Variants in SLIT2 observed in about 807,000 individuals in gnomAD.
The protein encoded by SLIT2 is slit guidance ligand 2.
Under a neutral mutation model 185.7 loss-of-function variants are expected in SLIT2, and 41 were observed. The observed-to-expected ratio is 0.22, with a 90% CI of 0.17 to 0.29. The LOEUF (loss-of-function observed/expected upper bound fraction) is 0.29, where lower values mean the gene tolerates loss of function less well. Among genes scored for constraint, SLIT2 ranks in the 10% least tolerant of loss-of-function variants. SLIT2 has a pLI of 1.00. For synonymous variants in SLIT2, 693 were observed against 680.2 expected, an observed-to-expected ratio of 1.02 and a Z score of -0.29; for missense variants, 1,571 against 1,909.0, an observed-to-expected ratio of 0.82 and a Z score of 3.30.
chr4:20,603,275 G>A (rs1728545746), intron 33 of SLIT2, among the ~76,000 whole-genome samples: 1 of 152,066 alleles, frequency 6.6e-6, no homozygotes, highest in African/African-American at 2.4e-5. Context: ...TAACAGTATG[G>A]GGAAAACCGC....
chr4:20,579,697 A>T (rs940446870), intron 29 of SLIT2, among the ~76,000 whole-genome samples: 3 of 151,936 alleles, frequency 2.0e-5, no homozygotes, highest in Non-Finnish European at 4.4e-5. Context: ...GAAATAAAAA[A>T]ACCTCACTCT....
chr4:20,275,070 T>C (rs1714031464), intron 4 of SLIT2, among the ~76,000 whole-genome samples: 1 of 152,174 alleles, frequency 6.6e-6, no homozygotes, highest in Admixed American at 6.5e-5. Context: ...TTTTAAAGTT[T>C]TTAAATAATG....
At chr4:20,579,263 C>T (rs1379192210) in intron 29 of SLIT2, among the ~76,000 whole-genome samples, 1 of 149,918 alleles carries the variant, frequency 6.7e-6, no homozygotes, top group African/African-American at 2.5e-5. Flanking sequence ...TGCACCACTG[C>T]ACTTTAGCCT....
intron 9 of SLIT2, 83 bp from the exon 10 acceptor site, chr4:20,510,409 ACTT>A: frequency 1.2e-6 from 1 of 853,378 alleles, no homozygotes; most frequent in Non-Finnish European, 2.0e-6. Context: ...CATCAACTTT[ACTT>A]CTTGACATGA....
chr4:20,364,801 G>T (rs1185593213), intron 4 of SLIT2, among the ~76,000 whole-genome samples: 1 of 152,028 alleles, frequency 6.6e-6, no homozygotes, highest in Non-Finnish European at 1.5e-5. Flanking sequence ...GCACTAGAAG[G>T]TCACAAAACC....
chr4:20,600,586 C>T (rs979045669), intron 33 of SLIT2, among the ~76,000 whole-genome samples: 1 of 151,780 alleles, frequency 6.6e-6, no homozygotes, highest in African/African-American at 2.4e-5. Flanking sequence ...CTATGCCTGG[C>T]TAATCTTTTT....
chr4:20,493,148 G>A (rs1717928657), intron 9 of SLIT2, among the ~76,000 whole-genome samples: 1 of 152,162 alleles, frequency 6.6e-6, no homozygotes, highest in Non-Finnish European at 1.5e-5. Context: ...AGAAACATTG[G>A]CAGCAAAGAA....
At chr4:20,568,720 G>A in intron 28 of SLIT2, 145 bp from the exon 29 acceptor site, 1 of 693,904 alleles carries the variant, frequency 1.4e-6, no homozygotes, top group African/African-American at 1.8e-5. Flanking sequence ...CAACATGTCA[G>A]TTAAAAGCAT....
rs545225480 is a variant in SLIT2, at chr4:20,512,740, C to T, written c.1058+1603C>T. On this transcript the variant is annotated intron_variant, in intron 11 of 36. Transcript: ENST00000504154. The stretch of plus-strand genomic sequence containing the variant: ...CAAATCAGCATGTCAGTTCCTGATT[C>T]TCCACAATTTTGGTCCTCAAAGATA... 6.6e-5 allele frequency among the ~76,000 whole-genome samples: 10 copies of T among 152,242 alleles called. No homozygotes were observed. In the South Asian group the frequency reaches 1.7e-3, roughly 25 times the overall value.
At chr4:20,446,646 A>C (rs542134289) in intron 4 of SLIT2, among the ~76,000 whole-genome samples, 2 of 152,360 alleles carry the variant, frequency 1.3e-5, no homozygotes, top group Non-Finnish European at 2.9e-5. Context: ...GAAAATATGC[A>C]TCACTGAAAA....
chr4:20,285,154 C>T (rs1182642047), intron 4 of SLIT2, among the ~76,000 whole-genome samples: 1 of 152,218 alleles, frequency 6.6e-6, no homozygotes, highest in Admixed American at 6.5e-5. Context: ...CAGCCATACA[C>T]TCCTCTGTGA....
At chr4:20,384,572 T>C (rs981476295) in intron 4 of SLIT2, among the ~76,000 whole-genome samples, 1 of 152,140 alleles carries the variant, frequency 6.6e-6, no homozygotes, top group African/African-American at 2.4e-5. Flanking sequence ...ATACTGACAG[T>C]TGTGTCACTA....
At chr4:20,426,531 A>G (rs190950477) in intron 4 of SLIT2, among the ~76,000 whole-genome samples, 1 of 152,342 alleles carries the variant, frequency 6.6e-6, no homozygotes, top group East Asian at 1.9e-4. Flanking sequence ...TTAATGAGAA[A>G]GGATCTAGAG....
intron 16 of SLIT2, among the ~76,000 whole-genome samples, chr4:20,531,299 A>T (rs1338237086): frequency 2.6e-5 from 4 of 152,264 alleles, no homozygotes; most frequent in Non-Finnish European, 5.9e-5. Flanking sequence ...GTCTTAAAAA[A>T]TAATGAAGCA....
At position 20,523,760 on chromosome 4, in the gene SLIT2, A is replaced by C. The variant is rs990185022; in HGVS notation, c.1131A>C (p.Leu377=). ...LFEGLFSLQL[L]LLNANKINCL... ...ATTCTACAACTATTTAATCAAACAG[A>C]TTATTGAATGCCAACAAGATAAACT... The change falls in exon 13 of 37, where the codon CTA becomes CTC. Residue 377 remains leucine (L), a splice_region_variant and synonymous_variant. Coordinates refer to ENST00000504154, the MANE Select transcript of SLIT2 (RefSeq NM_004787.4). 49 of 1,613,354 alleles carry C rather than the reference A, an allele frequency of 3.0e-5. No individual in the cohort carries two copies. The highest frequency in any genetic ancestry group is 4.2e-5 in the Non-Finnish European group (49 of 1,179,392).
At chr4:20,301,519 T>C (rs1029116620) in intron 4 of SLIT2, among the ~76,000 whole-genome samples, 8 of 152,150 alleles carry the variant, frequency 5.3e-5, no homozygotes, top group Admixed American at 1.3e-4. Context: ...CTGCCACTTA[T>C]GCAGTATTAG....
intron 4 of SLIT2, among the ~76,000 whole-genome samples, chr4:20,278,110 T>C (rs1714345416): frequency 6.6e-6 from 1 of 152,160 alleles, no homozygotes; most frequent in South Asian, 2.1e-4. Flanking sequence ...TTTACCAGTT[T>C]ACATGCTGTT....
At chr4:20,525,202 A>G in intron 15 of SLIT2, 30 bp downstream of exon 15, 1 of 1,532,160 alleles carries the variant, frequency 6.5e-7, no homozygotes, top group Non-Finnish European at 9.0e-7. Context: ...AGGACTAACT[A>G]CAGACACCCT....
intron 16 of SLIT2, among the ~76,000 whole-genome samples, 164 bp downstream of exon 16, chr4:20,529,263 C>G (rs954503113): frequency 6.6e-6 from 1 of 152,118 alleles, no homozygotes; most frequent in Non-Finnish European, 1.5e-5. Context: ...ATATTAGAGG[C>G]TACCTTCATT....
Sources: allele counts gnomAD v4.1 joint callset (sites outside exome capture counted in the v4.1 genomes callset), GRCh38; gene constraint gnomAD v4.1.1; transcripts MANE v1.5; gene names NCBI Gene and HGNC (gene_info 2026-07-23, HGNC 2026-07-21).